DDX52: variants seen among roughly 807,000 people sequenced by gnomAD.
The protein encoded by DDX52 is probable ATP-dependent RNA helicase DDX52.
Under a neutral mutation model 76.1 loss-of-function variants are expected in DDX52, and 59 were observed. That is an observed-to-expected ratio of 0.78 (90% CI 0.63 to 0.96). The LOEUF (loss-of-function observed/expected upper bound fraction) is 0.96, where lower values mean the gene tolerates loss of function less well. Ranked by LOEUF, DDX52 falls within the 40% of genes least tolerant of loss-of-function variation. The probability of loss-of-function intolerance (pLI) is 0.00; values close to 1 mark genes in which losing one functional copy is unlikely to be tolerated. For synonymous variants in DDX52, 231 were observed against 244.1 expected (o/e 0.95, Z 0.50); for missense variants, 707 against 703.9 (o/e 1.00, Z -0.05).
chr17:37,621,735 C>G (rs1318830981), intron 9 of DDX52, among the ~76,000 whole-genome samples: 1 of 152,164 alleles, frequency 6.6e-6, no homozygotes, highest in Non-Finnish European at 1.5e-5. Flanking sequence ...CTCCATCTTG[C>G]TAATTCCAAT....
rs1167389277 is a variant in DDX52 at position 37,613,615 on chromosome 17, A to C, written c.*681T>G. The stretch of plus-strand genomic sequence containing the variant: ...GGGAACTGGAATAACCAGCCACAAA[A>C]GAGGCCTCTCTTTGTTGTGGTTCAC... On this transcript the variant is annotated 3_prime_UTR_variant, in exon 15 of 15. Transcript: ENST00000617633. 6.6e-6 allele frequency: 1 copy of C among 152,362 alleles called. No individual in the cohort carries two copies. Among genetic ancestry groups the C allele is most frequent in the Non-Finnish European group, 1.5e-5 (1 of 68,060 alleles). 9.4% of individuals were successfully genotyped at this position (152,362 alleles called of 1,614,324 possible). A position where few individuals can be genotyped will look rare whatever the true frequency, so the allele number is the denominator to read the frequency against.
At chr17:37,620,581 GA>G (rs2147340097) in intron 12 of DDX52, 1 of 266,168 alleles carries the variant, frequency 3.8e-6, no homozygotes, top group South Asian at 9.2e-5. Context: ...CAAAATGCAG[GA>G]AACTCATCTT....
intron 13 of DDX52, 110 bp from the exon 14 acceptor site, chr17:37,618,494 C>G: frequency 1.1e-6 from 1 of 871,754 alleles, no homozygotes. Flanking sequence ...TTTTTTTTTT[C>G]CTTTGAGACG....
In DDX52 at chr17:37,625,984, T is replaced by C; in HGVS notation, c.1047A>G (p.Arg349=). The C allele has an allele frequency of 6.2e-7, 1 of 1,614,202 alleles. No homozygotes were observed. Among genetic ancestry groups the C allele is most frequent in the South Asian group, 1.1e-5 (1 of 91,084 alleles). Residue 349 remains arginine (R), a synonymous_variant, in exon 8 of 15, where the codon AGA becomes AGG. Coordinates refer to ENST00000617633, the MANE Select transcript of DDX52 (RefSeq NM_007010.5). ...ATGCAAAAGTTGCACTGAACATAGCTCTTCGGACCTTGTGGGATGTGCAGG... is the reference window on the plus strand; with the variant it reads ...ATGCAAAAGTTGCACTGAACATAGCCCTTCGGACCTTGTGGGATGTGCAGG... ...FLACTSHKVR[R]AMFSATFAYD...
At chr17:37,635,384 G>A (rs544236998) in intron 2 of DDX52, among the ~76,000 whole-genome samples, 2 of 152,234 alleles carry the variant, frequency 1.3e-5, no homozygotes, top group East Asian at 1.9e-4. Context: ...ATCACTCCAT[G>A]CATAGGCAAC....
intron 2 of DDX52, among the ~76,000 whole-genome samples, chr17:37,634,228 C>T (rs2030822861): frequency 6.6e-6 from 1 of 151,668 alleles, no homozygotes; most frequent in African/African-American, 2.4e-5. Context: ...GGATTACAGG[C>T]GTGAGCCACC....
rs1005792869 is a variant in DDX52, at chr17:37,612,886, T to C, written c.*1410A>G. Reference sequence around the variant, plus strand: ...GGCAAATGGGTTGCACCAGTATACCTACCTCCAGAATATATATTGGGTAAA... The same window carrying C: ...GGCAAATGGGTTGCACCAGTATACCCACCTCCAGAATATATATTGGGTAAA... On this transcript the variant is annotated 3_prime_UTR_variant, in exon 15 of 15. Coordinates refer to ENST00000617633, the MANE Select transcript of DDX52 (RefSeq NM_007010.5). 4.1e-4 allele frequency: 63 copies of C among 152,324 alleles called. No individual in the cohort carries two copies. Among genetic ancestry groups the C allele is most frequent in the African/African-American group, 1.4e-3 (59 of 41,572 alleles). 9.4% of individuals were successfully genotyped at this position (152,324 alleles called of 1,614,324 possible). A position where few individuals can be genotyped will look rare whatever the true frequency, so the allele number is the denominator to read the frequency against.
rs1215428560 is a variant in DDX52 at position 37,614,170 on chromosome 17, T to C, written c.*126A>G. On this transcript the variant is annotated 3_prime_UTR_variant, in exon 15 of 15. Coordinates refer to ENST00000617633, the MANE Select transcript of DDX52 (RefSeq NM_007010.5). ...TTAGGATCATTTATCACCAGTCCCA[T>C]GTACTTGTAGTTGATTTCAAATGTT... The C allele has an allele frequency of 6.3e-6, 6 of 955,502 alleles. 1 individual carries two copies. The highest frequency in any genetic ancestry group is 5.0e-5 in the African/African-American group (3 of 60,074). The allele number at this position is 955,502 out of a possible 1,614,324, so 59.2% of individuals were successfully genotyped here.
At chr17:37,633,469 G>T (rs757013275) in intron 2 of DDX52, 51 bp from the exon 3 acceptor site, 10 of 1,383,830 alleles carry the variant, frequency 7.2e-6, no homozygotes, top group African/African-American at 1.5e-5. Flanking sequence ...AGGCAACATA[G>T]TGAGGACCCG....
chr17:37,614,342 G>A lies in DDX52; in HGVS notation c.1754C>T (p.Thr585Ile). 1 of 1,611,036 alleles carries A rather than the reference G, an allele frequency of 6.2e-7. No individual in the cohort carries two copies. Among genetic ancestry groups the A allele is most frequent in the Middle Eastern group, 1.7e-4 (1 of 6,052 alleles). Reference protein sequence around the residue: ...EKAKDKQKKVTGQNSKKKVAL... With the variant: ...EKAKDKQKKVIGQNSKKKVAL... ...TACTTTCTTCTTGCTGTTCTGACCA[G>A]TGACCTTTTTCCTGTAAAGAGCAAA... The change falls in exon 15 of 15, where the codon ACT (threonine) becomes ATT (isoleucine). Residue 585 changes from threonine to isoleucine, a missense_variant. Physicochemically the swap from Thr to Ile is moderately conservative, Grantham distance 89. Coordinates refer to ENST00000617633, the MANE Select transcript of DDX52 (RefSeq NM_007010.5).
rs371275197 is a variant in DDX52 at position 37,626,858 on chromosome 17, T to C, written c.862A>G (p.Ile288Val). 11 of 1,608,684 alleles carry C rather than the reference T, an allele frequency of 6.8e-6. No individual in the cohort carries two copies. The highest frequency in any genetic ancestry group is 3.3e-5 in the South Asian group (3 of 89,566). ...AGTCGATTTGGAGTAGTCACAAGAA[T>C]ATCTATAGGAAAAACAAATGGTAGA... ...FGPKSSKKFD[I>V]LVTTPNRLIY... is the part of the protein sequence containing the mutation. Residue 288 changes from isoleucine (I) to valine (V), a missense_variant and splice_region_variant, in exon 7 of 15, where the codon ATT becomes GTT. Coordinates refer to ENST00000617633, the MANE Select transcript of DDX52 (RefSeq NM_007010.5).
intron 1 of DDX52, chr17:37,643,072 T>A: frequency 2.7e-6 from 1 of 366,436 alleles, no homozygotes. Flanking sequence ...ATTCCAACTT[T>A]GCTTTGAATA....
chr17:37,625,913 C>A lies in DDX52; in HGVS notation c.1118G>T (p.Ser373Ile), dbSNP rs1274226414. 1 of 1,613,950 alleles carries A rather than the reference C, an allele frequency of 6.2e-7. No individual in the cohort carries two copies. The highest frequency in any genetic ancestry group is 2.2e-5 in the East Asian group (1 of 44,892). Reference sequence around the variant, plus strand: ...TAAATACCTTGCTCCAATGGACACACTGATGACATTGTCCAGGTTGAGTTT... The same window carrying A: ...TAAATACCTTGCTCCAATGGACACAATGATGACATTGTCCAGGTTGAGTTT... ...WCKLNLDNVI[S>I]VSIGARNSAV... Residue 373 changes from serine to isoleucine, a missense_variant, in exon 8 of 15, where the codon AGT (serine) becomes ATT (isoleucine). Transcript: ENST00000617633.
intron 13 of DDX52, among the ~76,000 whole-genome samples, chr17:37,618,799 T>A (rs8075634): frequency 0.19 from 29,035 of 152,082 alleles, 3,145 homozygotes; most frequent in East Asian, 0.54. Flanking sequence ...AATTCATTTT[T>A]CAAAACCATT....
Position 37,630,165 on chromosome 17 carries a change from T to C in DDX52, c.612A>G (p.Glu204=), listed in dbSNP as rs775191437. ...ATCCAGTTGGAGCAGAAGCCAGAAG[T>C]TCCCGACCCTAAAAACATAGGGTAT... is the stretch of plus-strand genomic sequence containing the variant. ...QAIPVMLHGR[E]LLASAPTGSG... The change falls in exon 5 of 15, where the codon GAA becomes GAG. Residue 204 remains glutamate, a synonymous_variant. Transcript: ENST00000617633. 2 of 1,607,340 alleles carry C rather than the reference T, an allele frequency of 1.2e-6. No homozygotes were observed. The highest frequency in any genetic ancestry group is 8.5e-7 in the Non-Finnish European group (1 of 1,178,100).
rs1481392391 is a variant in DDX52 at position 37,610,586 on chromosome 17, A to G, written c.*3710T>C. 1 of 152,170 alleles carries G rather than the reference A, an allele frequency of 6.6e-6. No homozygotes were observed. The highest frequency in any genetic ancestry group is 2.4e-5 in the African/African-American group (1 of 41,442). 9.4% of individuals were successfully genotyped at this position (152,170 alleles called of 1,614,324 possible). A position where few individuals can be genotyped will look rare whatever the true frequency, so the allele number is the denominator to read the frequency against. ...GGTTTTTACTGGGTAATAATTTGTA[A>G]TAAGTTATTAGGCACAAACCACTGG... On this transcript the variant is annotated 3_prime_UTR_variant, in exon 15 of 15. Coordinates refer to ENST00000617633, the MANE Select transcript of DDX52 (RefSeq NM_007010.5).
At chr17:37,621,596 G>C (rs1321005678) in intron 9 of DDX52, 76 bp from the exon 10 acceptor site, 3 of 1,499,168 alleles carry the variant, frequency 2.0e-6, no homozygotes, top group Admixed American at 4.7e-5. Context: ...TTTGATTGTA[G>C]CTTTTAAGAA....
rs371275197 is a variant in DDX52, at chr17:37,626,858, T to G, written c.862A>C (p.Ile288Leu). ...AGTCGATTTGGAGTAGTCACAAGAA[T>G]ATCTATAGGAAAAACAAATGGTAGA... ...FGPKSSKKFD[I>L]LVTTPNRLIY... Residue 288 changes from isoleucine to leucine, a missense_variant and splice_region_variant, in exon 7 of 15, where the codon ATT becomes CTT. Physicochemically the swap from Ile to Leu is conservative, Grantham distance 5. Transcript: ENST00000617633. 22 of 1,608,684 alleles carry G rather than the reference T, an allele frequency of 1.4e-5. No individual in the cohort carries two copies. In the East Asian group the frequency reaches 4.9e-4, roughly 36 times the overall value.
chr17:37,614,265 AT>A lies in DDX52; in HGVS notation c.*30del. The A allele has an allele frequency of 6.2e-7, 1 of 1,601,600 alleles. No individual in the cohort carries two copies. The highest frequency in any genetic ancestry group is 8.5e-7 in the Non-Finnish European group (1 of 1,173,100). On this transcript the variant is annotated 3_prime_UTR_variant, in exon 15 of 15. Transcript: ENST00000617633. ...ATTCATGCTGGGATCATAAAATTAC[AT>A]TTCTGGGACAGTATTTTTAAAGTCT...
Sources: allele counts gnomAD v4.1 joint callset (sites outside exome capture counted in the v4.1 genomes callset), GRCh38; gene constraint gnomAD v4.1.1; transcripts MANE v1.5; gene names NCBI Gene and HGNC (gene_info 2026-07-23, HGNC 2026-07-21).